LPP: variants seen among roughly 807,000 people sequenced by gnomAD.
LPP encodes LIM domain containing preferred translocation partner in lipoma, also known as lipoma-preferred partner.
Under a neutral mutation model 60.4 loss-of-function variants are expected in LPP, and 38 were observed. That is an observed-to-expected ratio of 0.63 (90% CI 0.49 to 0.83). LPP has a LOEUF of 0.83. LPP is among the 40% of genes least tolerant of loss of function. The probability of loss-of-function intolerance (pLI) is 0.00; values close to 1 mark genes in which losing one functional copy is unlikely to be tolerated. For missense variants in LPP, 902 were observed against 783.6 expected, an observed-to-expected ratio of 1.15 and a Z score of -1.80; for synonymous variants, 328 against 290.8, an observed-to-expected ratio of 1.13 and a Z score of -1.30.
intron 7 of LPP, among the ~76,000 whole-genome samples, chr3:188,679,570 C>T (rs1016316636): frequency 9.4e-5 from 14 of 148,232 alleles, no homozygotes; most frequent in South Asian, 8.6e-4. Flanking sequence ...TGTGCGCGCG[C>T]GCATGTTTAG....
intron 7 of LPP, among the ~76,000 whole-genome samples, chr3:188,701,922 CA>C (rs1864490991): frequency 6.8e-6 from 1 of 148,128 alleles, no homozygotes; most frequent in South Asian, 2.2e-4. Context: ...TCTCTTTTCT[CA>C]TCCTAGTTCT....
chr3:188,449,774 C>T (rs1202699671), intron 4 of LPP, among the ~76,000 whole-genome samples: 1 of 151,974 alleles, frequency 6.6e-6, no homozygotes, highest in Non-Finnish European at 1.5e-5. Context: ...AGTCTTCCCC[C>T]CTCAAAAATA....
chr3:188,462,544 TTATATATATA>T lies in LPP; in HGVS notation c.194-22016_194-22007del, dbSNP rs71167102. Among the ~76,000 whole-genome samples, 260 of 34,194 alleles carry T rather than the reference TTATATATATA, an allele frequency of 7.6e-3. 4 individuals carry two copies. The highest frequency in any genetic ancestry group is 0.015 in the African/African-American group (197 of 12,794). 22.4% of individuals were successfully genotyped at this position (34,194 alleles called of 152,430 possible). A position where few individuals can be genotyped will look rare whatever the true frequency, so the allele number is the denominator to read the frequency against. On this transcript the variant is annotated intron_variant, in intron 4 of 11. Coordinates refer to ENST00000617246, the MANE Select transcript of LPP (RefSeq NM_001375462.1). ...TAAATTTAGCCAATTTATATGAGCT[TTATATATATA>T]TATATATATATATATATATATATAT...
chr3:188,673,751 A>G (rs893012394), intron 7 of LPP, among the ~76,000 whole-genome samples: 6 of 152,202 alleles, frequency 3.9e-5, no homozygotes, highest in African/African-American at 1.4e-4. Flanking sequence ...TAGCTTGTCC[A>G]GCCAAACTGG....
At chr3:188,424,213 A>C (rs1247616871) in intron 4 of LPP, among the ~76,000 whole-genome samples, 1 of 152,094 alleles carries the variant, frequency 6.6e-6, no homozygotes, top group Non-Finnish European at 1.5e-5. Context: ...TAAATAGAGA[A>C]TCTCTCCCCA....
chr3:188,434,280 A>G, intron 4 of LPP, among the ~76,000 whole-genome samples: 1 of 152,280 alleles, frequency 6.6e-6, no homozygotes, highest in Non-Finnish European at 1.5e-5. Flanking sequence ...TCAATGTAAT[A>G]TTATGCTAAG....
In LPP at chr3:188,878,989, T is replaced by C. The variant is rs1769599284; in HGVS notation, c.*4510T>C. 3 of 228,380 alleles carry C rather than the reference T, an allele frequency of 1.3e-5. No homozygotes were observed. The East Asian group carries it at 1.9e-4, about 14-fold the overall frequency. 14.1% of individuals were successfully genotyped at this position (228,380 alleles called of 1,614,324 possible). On this transcript the variant is annotated 3_prime_UTR_variant, in exon 12 of 12. Coordinates refer to ENST00000617246, the MANE Select transcript of LPP (RefSeq NM_001375462.1). ...AGGACAGAGACTTCAACTTGATTCT[T>C]TACCACCATTCAGCATATTTTTTAA...
At chr3:188,302,369 A>G (rs1043745102) in intron 2 of LPP, among the ~76,000 whole-genome samples, 6 of 152,224 alleles carry the variant, frequency 3.9e-5, no homozygotes, top group African/African-American at 1.4e-4. Flanking sequence ...CCTTAGCTAT[A>G]TATCAGTTCT....
chr3:188,736,739 CAT>C (rs1722655392), intron 8 of LPP, among the ~76,000 whole-genome samples: 2 of 151,668 alleles, frequency 1.3e-5, no homozygotes, highest in South Asian at 4.2e-4. Flanking sequence ...TAGATAGATA[CAT>C]AGACATCTAT....
intron 8 of LPP, 59 bp from the exon 9 acceptor site, chr3:188,760,054 G>T: frequency 6.6e-7 from 1 of 1,507,002 alleles, no homozygotes; most frequent in Non-Finnish European, 9.2e-7. Flanking sequence ...CCTCCACTTT[G>T]GCTTTAGCAG....
At chr3:188,466,052 G>A (rs552050922) in intron 4 of LPP, among the ~76,000 whole-genome samples, 41 of 152,248 alleles carry the variant, frequency 2.7e-4, no homozygotes, top group African/African-American at 8.4e-4. Context: ...CAAGATTTGC[G>A]AGGATCAGAA....
intron 1 of LPP, among the ~76,000 whole-genome samples, chr3:188,209,081 A>G (rs898145360): frequency 2.0e-5 from 3 of 152,326 alleles, no homozygotes; most frequent in East Asian, 3.9e-4. Context: ...ACTGAGGTTC[A>G]GAATAAAGTT....
intron 1 of LPP, among the ~76,000 whole-genome samples, chr3:188,209,484 C>T (rs1054689251): frequency 4.6e-5 from 7 of 152,340 alleles, no homozygotes; most frequent in South Asian, 2.1e-4. Flanking sequence ...CTCCCAGCCC[C>T]GTGATTAGCA....
intron 2 of LPP, among the ~76,000 whole-genome samples, chr3:188,338,650 C>A (rs1442416342): frequency 6.6e-6 from 1 of 152,166 alleles, no homozygotes; most frequent in Non-Finnish European, 1.5e-5. Flanking sequence ...CAATATGATT[C>A]CCCCTATTCG....
chr3:188,179,405 C>T (rs545507411), intron 1 of LPP: 18 of 457,944 alleles, frequency 3.9e-5, no homozygotes, highest in Middle Eastern at 6.5e-4. Flanking sequence ...TTGCCACCTG[C>T]GGGCTTGGAG....
At chr3:188,231,400 C>A (rs1490219131) in intron 2 of LPP, among the ~76,000 whole-genome samples, 2 of 152,174 alleles carry the variant, frequency 1.3e-5, no homozygotes, top group Non-Finnish European at 2.9e-5. Flanking sequence ...TGGGGGAAAA[C>A]TCCATTTAAA....
chr3:188,402,148 T>C (rs1782396798), intron 3 of LPP, among the ~76,000 whole-genome samples: 1 of 152,162 alleles, frequency 6.6e-6, no homozygotes, highest in African/African-American at 2.4e-5. Flanking sequence ...TTGGATAACC[T>C]TTAAAAAACC....
intron 2 of LPP, among the ~76,000 whole-genome samples, chr3:188,238,977 T>G (rs974255559): frequency 6.6e-6 from 1 of 152,216 alleles, no homozygotes; most frequent in Non-Finnish European, 1.5e-5. Context: ...ACATTGAAGA[T>G]GCTCAGGAAA....
At chr3:188,509,623 CCCCT>C (rs1319358605) in intron 5 of LPP, among the ~76,000 whole-genome samples, 16 of 128,600 alleles carry the variant, frequency 1.2e-4, no homozygotes, top group Non-Finnish European at 1.6e-4. Context: ...TTTTTTTTGT[CCCCT>C]TCCTTCCTTC....
Sources: gnomAD v4.1 joint callset for allele counts (sites outside exome capture counted in the v4.1 genomes callset) on GRCh38, gnomAD v4.1.1 for gene constraint, MANE v1.5 for transcripts, NCBI Gene and HGNC (gene_info 2026-07-23, HGNC 2026-07-21) for gene names.